BBS2: variants seen among roughly 807,000 people sequenced by gnomAD.
BBS2 encodes the protein BBSome complex member BBS2.
Under a neutral mutation model 83.0 loss-of-function variants are expected in BBS2, and 62 were observed. The ratio of observed to expected loss-of-function variants is 0.75; its 90% CI spans 0.61 to 0.92. BBS2 has a LOEUF of 0.92. Ranked by LOEUF, BBS2 falls within the 40% of genes least tolerant of loss-of-function variation. BBS2 has a pLI of 0.00. For synonymous variants in BBS2, 303 were observed against 326.1 expected (o/e 0.93, Z 0.76); for missense variants, 784 against 901.0 (o/e 0.87, Z 1.66).
chr16:56,514,731 T>C, intron 1 of BBS2, 51 bp from the exon 2 acceptor site: 1 of 1,376,806 alleles, frequency 7.3e-7, no homozygotes, highest in Non-Finnish European at 1.0e-6. Flanking sequence ...AAAATTAGTA[T>C]CATACATTTT....
chr16:56,498,293 C>A (rs996619544), intron 13 of BBS2, 144 bp downstream of exon 13: 1 of 1,090,150 alleles, frequency 9.2e-7, no homozygotes, highest in Admixed American at 2.3e-5. Flanking sequence ...GGTTTTATGA[C>A]CTTGACATTG....
rs763923770 is a variant in BBS2, at chr16:56,499,829, G to A, written c.1476C>T (p.Ala492=). Residue 492 remains alanine (A), a synonymous_variant, in exon 12 of 17, where the codon GCC becomes GCT. Coordinates refer to ENST00000245157, the MANE Select transcript of BBS2 (RefSeq NM_031885.5). The stretch of plus-strand genomic sequence containing the variant: ...AGTTAACATAACTGATTGGCTCACT[G>A]GCAGGGTCCAGGCTGGTCAGCGCAT... The part of the protein sequence containing the change: ...SMYALTSLDP[A]SEPISYVNFT... 4.3e-6 allele frequency: 7 copies of A among 1,614,056 alleles called. No individual in the cohort carries two copies. The highest frequency in any genetic ancestry group is 5.9e-6 in the Non-Finnish European group (7 of 1,180,028).
At chr16:56,493,312 G>A (rs1964016316) in intron 15 of BBS2, among the ~76,000 whole-genome samples, 2 of 151,128 alleles carry the variant, frequency 1.3e-5, no homozygotes, top group Admixed American at 6.6e-5. Flanking sequence ...CTTGAGCCCG[G>A]GTGGTTGAAG....
At chr16:56,511,848 G>C (rs564628598) in intron 2 of BBS2, among the ~76,000 whole-genome samples, 1 of 152,286 alleles carries the variant, frequency 6.6e-6, no homozygotes, top group Admixed American at 6.5e-5. Flanking sequence ...GAAAAAATGT[G>C]ATCAGCTGGA....
intron 5 of BBS2, among the ~76,000 whole-genome samples, chr16:56,508,942 CCAGGCCTAAACAT>C (rs1567581252): frequency 6.6e-6 from 1 of 152,112 alleles, no homozygotes; most frequent in Admixed American, 6.5e-5. Context: ...AGCCACTGCA[CCAGGCCTAAACAT>C]CAGGCCTAAA....
chr16:56,503,633 T>C (rs1964340387), intron 7 of BBS2, among the ~76,000 whole-genome samples: 1 of 152,168 alleles, frequency 6.6e-6, no homozygotes, highest in African/African-American at 2.4e-5. Flanking sequence ...AAATGAAGAT[T>C]ATGAGGCCGG....
chr16:56,501,396 C>T lies in BBS2; in HGVS notation c.1182G>A (p.Glu394=), dbSNP rs1964268624. The change falls in exon 10 of 17, where the codon GAG becomes GAA. Residue 394 remains glutamate (E), a synonymous_variant. Transcript: ENST00000245157. ...HTTLSVSLGN[E]TQTAHTELRI... Reference sequence around the variant, plus strand: ...GTAATTCTGTATGAGCAGTTTGGGTCTCATTCCCCAGGCTGACTGAGAGCG... The same window carrying T: ...GTAATTCTGTATGAGCAGTTTGGGTTTCATTCCCCAGGCTGACTGAGAGCG... The T allele has an allele frequency of 6.2e-7, 1 of 1,613,938 alleles. No homozygotes were observed. The highest frequency in any genetic ancestry group is 8.5e-7 in the Non-Finnish European group (1 of 1,180,030).
intron 7 of BBS2, among the ~76,000 whole-genome samples, chr16:56,503,724 T>A (rs1964344811): frequency 6.6e-6 from 1 of 152,026 alleles, no homozygotes; most frequent in Admixed American, 6.5e-5. Flanking sequence ...TCGAGACCAT[T>A]CTGGCTAACA....
chr16:56,513,660 A>G (rs1196256598), intron 2 of BBS2, among the ~76,000 whole-genome samples: 1 of 152,238 alleles, frequency 6.6e-6, no homozygotes, highest in South Asian at 2.1e-4. Flanking sequence ...TAGAGACAGA[A>G]AGTAGATAAC....
At chr16:56,491,412 T>C (rs1333794897) in intron 15 of BBS2, among the ~76,000 whole-genome samples, 1 of 152,206 alleles carries the variant, frequency 6.6e-6, no homozygotes, top group African/African-American at 2.4e-5. Context: ...TCTTCACACA[T>C]GTCCCCTTCT....
intron 17 of BBS2, among the ~76,000 whole-genome samples, chr16:56,472,963 G>A (rs1596988010): frequency 1.3e-5 from 2 of 152,192 alleles, no homozygotes; most frequent in African/African-American, 2.4e-5. Context: ...ACAGAGTCTC[G>A]CTCTGTTGCC....
chr16:56,500,653 T>G lies in BBS2; in HGVS notation c.1397+201A>C, dbSNP rs1317636970. The G allele has an allele frequency of 1.7e-5, 10 of 571,710 alleles. No individual in the cohort carries two copies. In the African/African-American group the frequency reaches 1.9e-4, roughly 11 times the overall value. The allele number at this position is 571,710 out of a possible 1,614,324, so 35.4% of individuals were successfully genotyped here. A position where few individuals can be genotyped will look rare whatever the true frequency, so the allele number is the denominator to read the frequency against. The stretch of plus-strand genomic sequence containing the variant: ...AAAAAAAAAAAAAAAAGAACCATCT[T>G]AAACTTACATATCAGTTTTTCCATT... On this transcript the variant is annotated intron_variant, in intron 11 of 16. Transcript: ENST00000245157.
chr16:56,496,819 A>G (rs989277058), intron 15 of BBS2, 148 bp downstream of exon 15: 4 of 714,822 alleles, frequency 5.6e-6, no homozygotes, highest in Non-Finnish European at 1.0e-5. Flanking sequence ...CATAGAGGAC[A>G]TGCATTTTCA....
At chr16:56,479,919 G>A (rs1963619850), downstream of BBS2, among the ~76,000 whole-genome samples, 1 of 152,234 alleles carries the variant, frequency 6.6e-6, no homozygotes, top group Admixed American at 6.5e-5. Flanking sequence ...GCCCATGCCT[G>A]TGGGTTGCAG....
chr16:56,497,412 T>G (rs1392641848), intron 14 of BBS2: 1 of 487,752 alleles, frequency 2.1e-6, no homozygotes, highest in Non-Finnish European at 3.7e-6. Context: ...TCTTTTATCT[T>G]GAATTTGGGT....
intron 12 of BBS2, chr16:56,499,078 T>C (rs1420904339): frequency 4.8e-6 from 1 of 208,504 alleles, no homozygotes; most frequent in South Asian, 7.5e-5. Flanking sequence ...AGTAACACCA[T>C]GCAGTGGCTT....
At chr16:56,512,513 G>C (rs1466229585) in intron 2 of BBS2, among the ~76,000 whole-genome samples, 1 of 151,980 alleles carries the variant, frequency 6.6e-6, no homozygotes, top group Non-Finnish European at 1.5e-5. Flanking sequence ...TCACACAATG[G>C]AATATACTAT....
At chr16:56,506,966 G>A (rs1431524416) in intron 5 of BBS2, among the ~76,000 whole-genome samples, 3 of 152,116 alleles carry the variant, frequency 2.0e-5, no homozygotes, top group African/African-American at 7.2e-5. Context: ...CCTAATACAA[G>A]AGATATTAAG....
In BBS2 at chr16:56,500,918, T is replaced by C. The variant is rs145757541; in HGVS notation, c.1333A>G (p.Ile445Val). The C allele has an allele frequency of 9.3e-6, 15 of 1,614,046 alleles. No individual in the cohort carries two copies. In the Admixed American group the frequency reaches 1.2e-4, roughly 13 times the overall value. Reference sequence around the variant, plus strand: ...ACAGGGACATCTTTGGGAGGCACAATAGGGATGCAGATGGAACTGGAGAGG... The same window carrying C: ...ACAGGGACATCTTTGGGAGGCACAACAGGGATGCAGATGGAACTGGAGAGG... ...HNLSSSICIP[I>V]VPPKDVPVDL... Residue 445 changes from isoleucine (I) to valine (V), a missense_variant, in exon 11 of 17, where the codon ATT becomes GTT. Coordinates refer to ENST00000245157, the MANE Select transcript of BBS2 (RefSeq NM_031885.5).
Sources: gnomAD v4.1 joint callset for allele counts (sites outside exome capture counted in the v4.1 genomes callset) on GRCh38, gnomAD v4.1.1 for gene constraint, MANE v1.5 for transcripts, NCBI Gene and HGNC (gene_info 2026-07-23, HGNC 2026-07-21) for gene names.